Variants in CDH10 observed in about 807,000 individuals in gnomAD.
CDH10 encodes the protein cadherin-10.
Under a neutral mutation model 73.1 loss-of-function variants are expected in CDH10, and 30 were observed. The ratio of observed to expected loss-of-function variants is 0.41; its 90% confidence interval spans 0.31 to 0.56. CDH10 has a LOEUF of 0.56. Ranked by LOEUF, CDH10 falls within the 20% of genes least tolerant of loss-of-function variation. The probability of loss-of-function intolerance (pLI) is 0.27; values close to 1 mark genes in which losing one functional copy is unlikely to be tolerated. For missense variants in CDH10, 815 were observed against 973.7 expected, an observed-to-expected ratio of 0.84 and a Z score of 2.17; for synonymous variants, 345 against 348.2, an observed-to-expected ratio of 0.99 and a Z score of 0.10.
rs187192252 is a variant in CDH10, at chr5:24,510,020, A to T, written c.1003-201T>A. Among the ~76,000 whole-genome samples the T allele has an allele frequency of 1.1e-3, 173 of 152,320 alleles. 1 individual carries two copies. The highest frequency in any genetic ancestry group is 3.9e-3 in the African/African-American group (161 of 41,574). On this transcript the variant is annotated intron_variant, in intron 6 of 11. Coordinates refer to ENST00000264463, the MANE Select transcript of CDH10 (RefSeq NM_006727.5). ...TCTACTCTTTATGCATTCAATTAGT[A>T]AAACTTCGGAACATAGGAAATTGAG...
intron 2 of CDH10, among the ~76,000 whole-genome samples, chr5:24,590,279 C>T (rs1746155001): frequency 6.6e-6 from 1 of 151,432 alleles, no homozygotes; most frequent in South Asian, 2.1e-4. Flanking sequence ...CTCTCTCCTC[C>T]TCTTAATTTT....
chr5:24,568,219 C>T lies in CDH10; in HGVS notation c.231+25041G>A, dbSNP rs115043432. Among the ~76,000 whole-genome samples the T allele has an allele frequency of 3.5e-3, 536 of 151,902 alleles. 4 individuals carry two copies. Among genetic ancestry groups the T allele is most frequent in the African/African-American group, 0.012 (486 of 41,434 alleles). Reference sequence around the variant, plus strand: ...AGAAAATATTAATATTTTGGAAATACGACATCCATAAAGAAATATTGGGCA... The same window carrying T: ...AGAAAATATTAATATTTTGGAAATATGACATCCATAAAGAAATATTGGGCA... On this transcript the variant is annotated intron_variant, in intron 2 of 11. Transcript: ENST00000264463.
At chr5:24,541,205 A>G (rs1240929712) in intron 2 of CDH10, among the ~76,000 whole-genome samples, 1 of 152,048 alleles carries the variant, frequency 6.6e-6, no homozygotes, top group Non-Finnish European at 1.5e-5. Flanking sequence ...CCTAACAGTT[A>G]CAGAAACAGA....
At chr5:24,499,025 T>C (rs906931155) in intron 8 of CDH10, among the ~76,000 whole-genome samples, 5 of 152,118 alleles carry the variant, frequency 3.3e-5, no homozygotes, top group African/African-American at 1.2e-4. Flanking sequence ...CCCGAAGAAA[T>C]AGTTTTAAAT....
intron 5 of CDH10, among the ~76,000 whole-genome samples, chr5:24,521,229 G>T (rs6452214): frequency 6.6e-6 from 1 of 151,674 alleles, no homozygotes; most frequent in African/African-American, 2.4e-5. Context: ...CCACATACAA[G>T]CTCACGCTAA....
chr5:24,510,718 G>A (rs539507838), intron 6 of CDH10, among the ~76,000 whole-genome samples: 2 of 152,162 alleles, frequency 1.3e-5, no homozygotes, highest in South Asian at 4.1e-4. Flanking sequence ...GTTACTCTAT[G>A]TATGGCATTT....
At chr5:24,642,331 G>T (rs531052580) in intron 1 of CDH10, among the ~76,000 whole-genome samples, 93 of 152,110 alleles carry the variant, frequency 6.1e-4, no homozygotes, top group Non-Finnish European at 8.5e-4. Context: ...AAATCCCCCA[G>T]ATAGTATATA....
intron 6 of CDH10, among the ~76,000 whole-genome samples, chr5:24,510,367 A>C (rs1377750502): frequency 1.3e-5 from 2 of 152,198 alleles, no homozygotes; most frequent in Non-Finnish European, 2.9e-5. Flanking sequence ...TTTGATAGTA[A>C]TTTGGTAAAT....
At chr5:24,601,894 C>T (rs930051437) in intron 1 of CDH10, among the ~76,000 whole-genome samples, 2 of 152,100 alleles carry the variant, frequency 1.3e-5, no homozygotes, top group Non-Finnish European at 1.5e-5. Flanking sequence ...TGACCCTAAC[C>T]CTACCATTAT....
At chr5:24,605,460 G>T (rs1366707825) in intron 1 of CDH10, among the ~76,000 whole-genome samples, 1 of 152,182 alleles carries the variant, frequency 6.6e-6, no homozygotes, top group Non-Finnish European at 1.5e-5. Context: ...ATGGCTGATT[G>T]CCTGACAATC....
intron 9 of CDH10, among the ~76,000 whole-genome samples, 197 bp from the exon 10 acceptor site, chr5:24,493,122 T>G: frequency 6.6e-6 from 1 of 152,048 alleles, no homozygotes; most frequent in East Asian, 1.9e-4. Flanking sequence ...CTGTGTCTTT[T>G]GGATCATACC....
In CDH10 at chr5:24,491,632, G is replaced by T; in HGVS notation, c.1820C>A (p.Ala607Asp). 6.2e-7 allele frequency: 1 copy of T among 1,613,202 alleles called. No individual in the cohort carries two copies. Among genetic ancestry groups the T allele is most frequent in the Non-Finnish European group, 8.5e-7 (1 of 1,179,212 alleles). The stretch of plus-strand genomic sequence containing the variant: ...GATCAAGGCCCCAGTGCTGAGGCCG[G>T]CAGGGAGGAGCAGGGCTTCAGCACT... ...SCSAEALLLP[A>D]GLSTGALIAI... The change falls in exon 11 of 12, where the codon GCC (alanine) becomes GAC (aspartate). Residue 607 changes from alanine (A) to aspartate (D), a missense_variant. Coordinates refer to ENST00000264463, the MANE Select transcript of CDH10 (RefSeq NM_006727.5).
chr5:24,619,955 C>T (rs1174565518), intron 1 of CDH10, among the ~76,000 whole-genome samples: 2 of 152,148 alleles, frequency 1.3e-5, no homozygotes, highest in Non-Finnish European at 2.9e-5. Context: ...AAGCTACCCA[C>T]TTTATGGTAG....
chr5:24,614,713 T>C (rs1228802241), intron 1 of CDH10, among the ~76,000 whole-genome samples: 1 of 152,184 alleles, frequency 6.6e-6, no homozygotes, highest in Non-Finnish European at 1.5e-5. Context: ...CTGCAATAAT[T>C]ATCTTTGCCA....
intron 2 of CDH10, among the ~76,000 whole-genome samples, chr5:24,582,830 A>C (rs1745850099): frequency 6.6e-6 from 1 of 152,186 alleles, no homozygotes; most frequent in Non-Finnish European, 1.5e-5. Flanking sequence ...ATAAACCAAA[A>C]TAAATAAAAA....
At chr5:24,549,019 C>A (rs115931441) in intron 2 of CDH10, among the ~76,000 whole-genome samples, 27 of 152,148 alleles carry the variant, frequency 1.8e-4, no homozygotes, top group African/African-American at 6.0e-4. Flanking sequence ...ACTGAAAATA[C>A]AATATCTGAC....
At chr5:24,545,007 T>TTAAGTTAAAGAACCCTCCTTC (rs1260890951) in intron 2 of CDH10, among the ~76,000 whole-genome samples, 12 of 152,196 alleles carry the variant, frequency 7.9e-5, no homozygotes, top group Non-Finnish European at 2.9e-5. Flanking sequence ...ATTTAAGTAC[T>TTAAGTTAAAGAACCCTCCTTC]TAAGTTAACG....
At chr5:24,531,663 C>T (rs182042418) in intron 5 of CDH10, among the ~76,000 whole-genome samples, 54 of 152,080 alleles carry the variant, frequency 3.6e-4, no homozygotes, top group Admixed American at 2.7e-3. Context: ...AAGAATAGCA[C>T]GGGAAAGACC....
At chr5:24,521,438 G>C (rs1743327220) in intron 5 of CDH10, among the ~76,000 whole-genome samples, 3 of 152,014 alleles carry the variant, frequency 2.0e-5, no homozygotes, top group Admixed American at 6.6e-5. Flanking sequence ...TGACTAACAT[G>C]GAGAAACCTC....
Sources: allele counts gnomAD v4.1 joint callset (sites outside exome capture counted in the v4.1 genomes callset), GRCh38; gene constraint gnomAD v4.1.1; transcripts MANE v1.5; gene names NCBI Gene and HGNC (gene_info 2026-07-23, HGNC 2026-07-21).